The following AP4E1 variants were observed in gnomAD, a reference collection of about 807,000 sequenced individuals.
The protein encoded by AP4E1 is adaptor related protein complex 4 subunit epsilon 1, also known as AP-4 complex subunit epsilon-1.
A neutral mutation model predicts 128.2 loss-of-function variants in AP4E1; 56 were observed. The ratio of observed to expected loss-of-function variants is 0.44; its 90% CI spans 0.35 to 0.55. The LOEUF is 0.55. AP4E1 is among the 20% of genes least tolerant of loss of function. AP4E1 has a pLI of 0.00. For missense variants in AP4E1, 1,324 were observed against 1,307.7 expected, an observed-to-expected ratio of 1.01 and a Z score of -0.19; for synonymous variants, 484 against 473.1, an observed-to-expected ratio of 1.02 and a Z score of -0.30.
At chr15:50,962,888 GCAAA>G (rs2064334825) in intron 14 of AP4E1, among the ~76,000 whole-genome samples, 1 of 15,154 alleles carries the variant, frequency 6.6e-5, no homozygotes, top group African/African-American at 5.3e-4. Flanking sequence ...CAATTCAACA[GCAAA>G]AAAAAAAAAA....
chr15:50,916,380 TA>T (rs1567208197), intron 3 of AP4E1, among the ~76,000 whole-genome samples: 1 of 152,216 alleles, frequency 6.6e-6, no homozygotes, highest in Non-Finnish European at 1.5e-5. Flanking sequence ...AGCAGTGTCT[TA>T]AAAAAATTTT....
At chr15:50,983,321 A>G (rs1373963638) in intron 15 of AP4E1, among the ~76,000 whole-genome samples, 1 of 152,222 alleles carries the variant, frequency 6.6e-6, no homozygotes, top group Non-Finnish European at 1.5e-5. Context: ...TTTTATTCCA[A>G]GAGGACTCCT....
intron 15 of AP4E1, among the ~76,000 whole-genome samples, chr15:50,977,017 G>A (rs2064561285): frequency 6.6e-6 from 1 of 152,114 alleles, no homozygotes. Context: ...CTCTTTCAAA[G>A]TGTAATCAGT....
chr15:50,931,991 T>G (rs1016390438), intron 7 of AP4E1, among the ~76,000 whole-genome samples: 1 of 151,958 alleles, frequency 6.6e-6, no homozygotes, highest in Non-Finnish European at 1.5e-5. Context: ...ATTTTTTTTT[T>G]GTTTTTGAGA....
chr15:50,999,703 C>CT (rs201661330), intron 19 of AP4E1, among the ~76,000 whole-genome samples: 8 of 151,810 alleles, frequency 5.3e-5, no homozygotes, highest in Non-Finnish European at 1.0e-4. Flanking sequence ...AGTTATTAAA[C>CT]TTTTTTTTAT....
rs2064920870 is a variant in AP4E1, at chr15:50,999,055, ATTAC to A, written c.2905-14_2905-11del. Reference sequence around the variant, plus strand: ...GATCCCTTCCTTCTTCAACACTTTTATTACTTCTATTTGCAGGTGACTGAGCAAC... The same window carrying A: ...GATCCCTTCCTTCTTCAACACTTTTATTCTATTTGCAGGTGACTGAGCAAC... On this transcript the variant is annotated splice_polypyrimidine_tract_variant and intron_variant, in intron 18 of 20. Coordinates refer to ENST00000261842, the MANE Select transcript of AP4E1 (RefSeq NM_007347.5). 1.9e-6 allele frequency: 3 copies of A among 1,613,006 alleles called. No individual in the cohort carries two copies. Among genetic ancestry groups the A allele is most frequent in the Non-Finnish European group, 2.5e-6 (3 of 1,179,096 alleles).
intron 16 of AP4E1, among the ~76,000 whole-genome samples, chr15:50,990,344 T>TTTTTTATTATTATTA (rs143254695): frequency 1.3e-4 from 19 of 141,102 alleles, no homozygotes; most frequent in Non-Finnish European, 2.3e-4. Flanking sequence ...ATTTATTTAA[T>TTTTTTATTATTATTA]TTATTATTAT....
intron 14 of AP4E1, among the ~76,000 whole-genome samples, chr15:50,961,837 C>T (rs1217439482): frequency 6.6e-6 from 1 of 151,584 alleles, no homozygotes; most frequent in East Asian, 1.9e-4. Context: ...ATGACATGAT[C>T]TTATATATAG....
chr15:50,931,695 T>C (rs1387235365), intron 7 of AP4E1, among the ~76,000 whole-genome samples: 1 of 152,210 alleles, frequency 6.6e-6, no homozygotes, highest in African/African-American at 2.4e-5. Context: ...ATAAACATTA[T>C]GGACATTAAA....
intron 17 of AP4E1, 24 bp from the exon 18 acceptor site, chr15:50,997,302 T>C: frequency 6.4e-7 from 1 of 1,552,878 alleles, no homozygotes. Flanking sequence ...TTTCTTTTTA[T>C]ATTATTATGT....
rs931601589 is a variant in AP4E1 at position 50,941,339 on chromosome 15, C to A, written c.944-103C>A. On this transcript the variant is annotated intron_variant, in intron 8 of 20. Transcript: ENST00000261842. ...AAAAGTCCATAAATAAGATTTCTGA[C>A]TAAAATGGACTTTCCAATTAGTTTT... The A allele has an allele frequency of 3.8e-6, 5 of 1,321,448 alleles. No individual in the cohort carries two copies. In the African/African-American group the frequency reaches 5.8e-5, roughly 15 times the overall value. The allele number at this position is 1,321,448 out of a possible 1,614,324, so 81.9% of individuals were successfully genotyped here.
chr15:50,934,010 G>C (rs1268318036), intron 7 of AP4E1, among the ~76,000 whole-genome samples: 2 of 152,048 alleles, frequency 1.3e-5, no homozygotes, highest in Admixed American at 1.3e-4. Context: ...TGGAGGCAGA[G>C]TGCTAGGGCA....
chr15:50,910,744 T>G (rs2063557107), intron 1 of AP4E1, among the ~76,000 whole-genome samples: 1 of 152,152 alleles, frequency 6.6e-6, no homozygotes, highest in African/African-American at 2.4e-5. Context: ...CAACTTCTGC[T>G]TCCTGGGTTC....
At chr15:50,962,410 C>T (rs976556493) in intron 14 of AP4E1, among the ~76,000 whole-genome samples, 10 of 151,952 alleles carry the variant, frequency 6.6e-5, no homozygotes, top group Non-Finnish European at 1.5e-4. Context: ...TAAAGAAAGA[C>T]ATACACACCA....
chr15:50,988,631 AG>A (rs1488273121), intron 16 of AP4E1, among the ~76,000 whole-genome samples: 1 of 152,084 alleles, frequency 6.6e-6, no homozygotes, highest in Admixed American at 6.6e-5. Context: ...TTATTGTATT[AG>A]CTCATTATTA....
intron 15 of AP4E1, among the ~76,000 whole-genome samples, chr15:50,970,694 GTTTCTA>G (rs1444834415): frequency 6.6e-6 from 1 of 151,928 alleles, no homozygotes; most frequent in Non-Finnish European, 1.5e-5. Flanking sequence ...CTTACTTTTG[GTTTCTA>G]TTTGTCTGGA....
chr15:50,983,950 A>G, intron 15 of AP4E1, 72 bp from the exon 16 acceptor site: 1 of 1,482,742 alleles, frequency 6.7e-7, no homozygotes, highest in South Asian at 1.1e-5. Context: ...TTATTGTGGT[A>G]GTGAATGGTA....
chr15:50,965,589 T>C (rs938361272), intron 14 of AP4E1, among the ~76,000 whole-genome samples: 5 of 152,258 alleles, frequency 3.3e-5, no homozygotes, highest in African/African-American at 1.2e-4. Context: ...AGGAGATGCA[T>C]AGGACAAGCT....
chr15:50,911,598 C>T (rs1034364821), intron 1 of AP4E1, among the ~76,000 whole-genome samples: 1 of 151,330 alleles, frequency 6.6e-6, no homozygotes, highest in African/African-American at 2.4e-5. Context: ...TTCTCCTGCC[C>T]CTGCCTCAGC....
Sources: gnomAD v4.1 joint callset for allele counts (sites outside exome capture counted in the v4.1 genomes callset) on GRCh38, gnomAD v4.1.1 for gene constraint, MANE v1.5 for transcripts, NCBI Gene and HGNC (gene_info 2026-07-23, HGNC 2026-07-21) for gene names.